The following NGLY1 variants were observed in gnomAD, a reference collection of about 807,000 sequenced individuals.
NGLY1 encodes the protein peptide-N(4)-(N-acetyl-beta-glucosaminyl)asparagine amidase.
NGLY1 carries 68 observed loss-of-function variants against 84.6 expected under a neutral mutation model. The ratio of observed to expected loss-of-function variants is 0.80; its 90% CI spans 0.66 to 0.98. The LOEUF is 0.98. Among genes scored for constraint, NGLY1 ranks in the 50% least tolerant of loss-of-function variants. The pLI, the probability that NGLY1 is intolerant of heterozygous loss-of-function variation, is 0.00. For missense variants in NGLY1, 779 were observed against 770.2 expected (o/e 1.01, Z -0.14); for synonymous variants, 280 against 275.2 (o/e 1.02, Z -0.17).
chr3:25,752,556 C>A (rs992531415), intron 3 of NGLY1, among the ~76,000 whole-genome samples: 1 of 151,750 alleles, frequency 6.6e-6, no homozygotes, highest in Non-Finnish European at 1.5e-5. Flanking sequence ...AAAGAAGAAG[C>A]CAGGCACTTT....
At chr3:25,729,395 G>T in intron 9 of NGLY1, 77 bp from the exon 10 acceptor site, 1 of 902,280 alleles carries the variant, frequency 1.1e-6, no homozygotes, top group Non-Finnish European at 1.5e-6. Context: ...ACTAAGCAGA[G>T]TGGTAAGAGA....
chr3:25,790,031 T>A (rs1708691924), exon 1 of NGLY1: 2 of 834,488 alleles, frequency 2.4e-6, no homozygotes, highest in East Asian at 5.3e-5. Context: ...GACGCGTGCG[T>A]GGGAAAGCGC....
intron 3 of NGLY1, chr3:25,754,954 G>T: frequency 1.3e-6 from 1 of 741,284 alleles, no homozygotes; most frequent in Non-Finnish European, 2.5e-6. Context: ...CACTTCCCAA[G>T]AACGCTCCTA....
rs1398658471 is a variant in NGLY1, at chr3:25,778,485, A to C, written c.246+89T>G. 4.6e-6 allele frequency: 3 copies of C among 650,300 alleles called. No individual in the cohort carries two copies. The East Asian group carries it at 8.7e-5, about 19-fold the overall frequency. The allele number at this position is 650,300 out of a possible 1,614,324, so 40.3% of individuals were successfully genotyped here. Reference sequence around the variant, plus strand: ...GATTCCCAAAATGATAAATTAAAAAACATTATCTTATTCAAACAATTATTC... The same window carrying C: ...GATTCCCAAAATGATAAATTAAAAACCATTATCTTATTCAAACAATTATTC... On this transcript the variant is annotated intron_variant, in intron 2 of 11. Transcript: ENST00000280700.
At chr3:25,724,828 T>G (rs1253043618) in intron 10 of NGLY1, among the ~76,000 whole-genome samples, 2 of 152,228 alleles carry the variant, frequency 1.3e-5, no homozygotes, top group East Asian at 3.8e-4. Context: ...AGATATTACT[T>G]CTTCTGCAAG....
intron 2 of NGLY1, among the ~76,000 whole-genome samples, chr3:25,771,568 A>G (rs1707893133): frequency 6.6e-6 from 1 of 152,174 alleles, no homozygotes; most frequent in Non-Finnish European, 1.5e-5. Flanking sequence ...TTTATGGAGA[A>G]TGATGATGGT....
At chr3:25,786,316 C>G (rs1364929916), upstream of NGLY1, among the ~76,000 whole-genome samples, 1 of 148,320 alleles carries the variant, frequency 6.7e-6, no homozygotes, top group African/African-American at 2.5e-5. Flanking sequence ...GAGCGGGACT[C>G]TACCTCAAAA....
At chr3:25,767,496 A>G (rs929261874) in intron 2 of NGLY1, among the ~76,000 whole-genome samples, 1 of 152,100 alleles carries the variant, frequency 6.6e-6, no homozygotes, top group Non-Finnish European at 1.5e-5. Context: ...TTGAAGAAAG[A>G]GGTGCAGGTG....
At chr3:25,766,358 T>C (rs1707572345) in intron 2 of NGLY1, among the ~76,000 whole-genome samples, 1 of 152,158 alleles carries the variant, frequency 6.6e-6, no homozygotes, top group Non-Finnish European at 1.5e-5. Context: ...TGAGCCACCA[T>C]TCCCGGCCAA....
intron 3 of NGLY1, among the ~76,000 whole-genome samples, chr3:25,753,490 A>G (rs1292051508): frequency 2.6e-5 from 4 of 152,152 alleles, no homozygotes; most frequent in African/African-American, 4.8e-5. Context: ...TAAAAGCACC[A>G]GTACAAGTTT....
At chr3:25,767,564 C>G (rs774299467) in intron 2 of NGLY1, among the ~76,000 whole-genome samples, 8 of 152,140 alleles carry the variant, frequency 5.3e-5, no homozygotes, top group Non-Finnish European at 1.2e-4. Flanking sequence ...ACTGTAGGGT[C>G]ACAGATCCAT....
rs1575616394 is a variant in NGLY1, at chr3:25,733,889, TA to T, written c.1242del (p.Asn415MetfsTer23). 6.2e-7 allele frequency: 1 copy of T among 1,613,412 alleles called. No individual in the cohort carries two copies. The highest frequency in any genetic ancestry group is 8.5e-7 in the Non-Finnish European group (1 of 1,179,632). ...CACCATACCTGCTTATTAAGCCCAT[TA>T]ATAGTGTCTCGAAGTAATGCTTCTT... ...KVKEALLRDT[I>X]NGLNKQRQLF... On this transcript the variant is annotated frameshift_variant, in exon 8 of 12. Coordinates refer to ENST00000280700, the MANE Select transcript of NGLY1 (RefSeq NM_018297.4). LOFTEE classifies it high-confidence loss of function.
At chr3:25,755,181 C>CA in intron 3 of NGLY1, 1 of 1,285,232 alleles carries the variant, frequency 7.8e-7, no homozygotes, top group South Asian at 1.2e-5. Flanking sequence ...ACCTCTCTTC[C>CA]CCCAAGAGGT....
At chr3:25,766,082 G>A (rs912875657) in intron 2 of NGLY1, among the ~76,000 whole-genome samples, 1 of 142,138 alleles carries the variant, frequency 7.0e-6, no homozygotes, top group Admixed American at 7.0e-5. Flanking sequence ...TTTTTTTTTT[G>A]GAGACAGAGT....
At chr3:25,771,556 G>C (rs1161956858) in intron 2 of NGLY1, among the ~76,000 whole-genome samples, 1 of 152,004 alleles carries the variant, frequency 6.6e-6, no homozygotes, top group African/African-American at 2.4e-5. Context: ...TTTTTTTCTA[G>C]TTTTATGGAG....
intron 2 of NGLY1, chr3:25,778,145 T>C (rs1284502079): frequency 6.6e-6 from 1 of 152,544 alleles, no homozygotes; most frequent in Non-Finnish European, 1.5e-5. Flanking sequence ...GAGACTCCTC[T>C]CCTGTCACAG....
chr3:25,721,482 G>A (rs573555314), intron 10 of NGLY1, among the ~76,000 whole-genome samples: 68 of 152,026 alleles, frequency 4.5e-4, no homozygotes, highest in Non-Finnish European at 8.8e-4. Flanking sequence ...GGCTGGGCAC[G>A]GTGGCTCACG....
chr3:25,743,571 A>AGT (rs3080320), intron 4 of NGLY1, among the ~76,000 whole-genome samples: 100,536 of 151,180 alleles, frequency 0.67, 36,221 homozygotes, highest in East Asian at 0.94. Context: ...ACTTTTCACT[A>AGT]GTGTGTGTGT....
rs763251969 is a variant in NGLY1, at chr3:25,733,951, T to C, written c.1181A>G (p.Lys394Arg). ...VVDVTWRYSC[K>R]HEEVIARRTK... Reference sequence around the variant, plus strand: ...TCTTCTGGCAATCACCTCTTCATGTTTGCAGGAATATCGCCAAGTGACATC... The same window carrying C: ...TCTTCTGGCAATCACCTCTTCATGTCTGCAGGAATATCGCCAAGTGACATC... Residue 394 changes from lysine to arginine, a missense_variant, in exon 8 of 12, where the codon AAA (lysine) becomes AGA (arginine). Coordinates refer to ENST00000280700, the MANE Select transcript of NGLY1 (RefSeq NM_018297.4). The C allele has an allele frequency of 3.1e-6, 5 of 1,613,832 alleles. No homozygotes were observed. The highest frequency in any genetic ancestry group is 2.2e-5 in the East Asian group (1 of 44,848).
Sources: gnomAD v4.1 joint callset for allele counts (sites outside exome capture counted in the v4.1 genomes callset) on GRCh38, gnomAD v4.1.1 for gene constraint, MANE v1.5 for transcripts, NCBI Gene and HGNC (gene_info 2026-07-23, HGNC 2026-07-21) for gene names.